RB1CC1: variants seen among roughly 807,000 people sequenced by gnomAD.
RB1CC1 encodes the protein RB1-inducible coiled-coil protein 1.
In RB1CC1, 46 loss-of-function variants were observed where a neutral mutation model predicts 177.5. That is an observed-to-expected ratio of 0.26 (90% CI 0.20 to 0.33). RB1CC1 has a LOEUF of 0.33. Among genes scored for constraint, RB1CC1 ranks in the 10% least tolerant of loss-of-function variants. The pLI is 1.00. For synonymous variants in RB1CC1, 666 were observed against 613.6 expected (o/e 1.09, Z -1.26); for missense variants, 1,703 against 1,816.3 (o/e 0.94, Z 1.13).
At chr8:52,646,088 A>G (rs1849995758) in intron 15 of RB1CC1, among the ~76,000 whole-genome samples, 1 of 152,234 alleles carries the variant, frequency 6.6e-6, no homozygotes, top group South Asian at 2.1e-4. Flanking sequence ...TTTTATCAGT[A>G]TAGCAGATAA....
At chr8:52,688,821 G>A (rs145233640) in intron 1 of RB1CC1, among the ~76,000 whole-genome samples, 5 of 152,050 alleles carry the variant, frequency 3.3e-5, no homozygotes, top group African/African-American at 4.8e-5. Context: ...TGTCGCCCCC[G>A]GCGGCCCAGC....
chr8:52,673,712 T>C (rs1852811060), intron 7 of RB1CC1, 133 bp downstream of exon 7: 3 of 807,944 alleles, frequency 3.7e-6, no homozygotes, highest in Non-Finnish European at 5.5e-6. Flanking sequence ...TCAACCTATG[T>C]TAAAAGTTTC....
intron 1 of RB1CC1, among the ~76,000 whole-genome samples, chr8:52,699,830 A>AAATATATAT (rs1554557119): frequency 3.7e-5 from 1 of 26,702 alleles, no homozygotes; most frequent in Non-Finnish European, 7.6e-5. Flanking sequence ...AAAAAAAAAA[A>AAATATATAT]ATATATATAT....
At chr8:52,645,312 AT>A in intron 16 of RB1CC1, among the ~76,000 whole-genome samples, 1 of 152,304 alleles carries the variant, frequency 6.6e-6, no homozygotes, top group Non-Finnish European at 1.5e-5. Context: ...AAATAAAATC[AT>A]TTTTTAAATT....
chr8:52,645,968 T>C (rs1024392261), intron 15 of RB1CC1, 101 bp from the exon 16 acceptor site: 8 of 1,159,704 alleles, frequency 6.9e-6, no homozygotes, highest in African/African-American at 6.3e-5. Flanking sequence ...AGCTCAATAA[T>C]GTAGCATGAA....
At chr8:52,652,564 C>T (rs1850698737) in intron 15 of RB1CC1, among the ~76,000 whole-genome samples, 4 of 151,390 alleles carry the variant, frequency 2.6e-5, no homozygotes, top group Admixed American at 2.0e-4. Flanking sequence ...TACAGAAATA[C>T]TGACATAATC....
chr8:52,640,336 T>C (rs920723440), intron 18 of RB1CC1, among the ~76,000 whole-genome samples: 1 of 152,158 alleles, frequency 6.6e-6, no homozygotes, highest in Non-Finnish European at 1.5e-5. Flanking sequence ...TGTTCAATAA[T>C]GTACTGCGCT....
Position 52,656,913 on chromosome 8 carries a change from C to T in RB1CC1, c.2916G>A (p.Lys972=). 1 of 1,613,256 alleles carries T rather than the reference C, an allele frequency of 6.2e-7. No individual in the cohort carries two copies. The highest frequency in any genetic ancestry group is 8.5e-7 in the Non-Finnish European group (1 of 1,179,938). Residue 972 remains lysine (K), a synonymous_variant, in exon 15 of 24, where the codon AAG becomes AAA. Coordinates refer to ENST00000025008, the MANE Select transcript of RB1CC1 (RefSeq NM_014781.5). The part of the protein sequence containing the change: ...LKKLHVENDE[K]LQLLRAELQS... Reference sequence around the variant, plus strand: ...GAAGTTCTGCCCTCAATAACTGTAACTTCTCATCATTTTCAACATGGAGCT... The same window carrying T: ...GAAGTTCTGCCCTCAATAACTGTAATTTCTCATCATTTTCAACATGGAGCT...
chr8:52,633,352 C>T (rs1374409746), intron 20 of RB1CC1, among the ~76,000 whole-genome samples: 3 of 152,102 alleles, frequency 2.0e-5, no homozygotes, highest in African/African-American at 4.8e-5. Context: ...AAGAATGTAG[C>T]GGTGACCAAA....
chr8:52,689,197 T>C (rs1854581380), intron 1 of RB1CC1, among the ~76,000 whole-genome samples: 1 of 152,236 alleles, frequency 6.6e-6, no homozygotes, highest in South Asian at 2.1e-4. Flanking sequence ...TAAATCTCCT[T>C]GCTTTAATTT....
chr8:52,625,227 G>A lies in RB1CC1; in HGVS notation c.4637-440C>T, dbSNP rs184916989. ...TTGATGGGCAGTATTTTTAATACAA[G>A]TTCTCAAAGGCAGCAAGTGAACAGT... is the stretch of plus-strand genomic sequence containing the variant. On this transcript the variant is annotated intron_variant, in intron 22 of 23. Coordinates refer to ENST00000025008, the MANE Select transcript of RB1CC1 (RefSeq NM_014781.5). 2.9e-3 allele frequency among the ~76,000 whole-genome samples: 447 copies of A among 152,242 alleles called. 4 individuals are homozygous for A. The highest frequency in any genetic ancestry group is 0.01 in the African/African-American group (422 of 41,554).
chr8:52,658,650 A>G (rs10101732), intron 13 of RB1CC1, among the ~76,000 whole-genome samples: 401 of 152,156 alleles, frequency 2.6e-3, no homozygotes, highest in African/African-American at 9.3e-3. Context: ...AACTACTAGA[A>G]AAAAATAATT....
intron 18 of RB1CC1, among the ~76,000 whole-genome samples, chr8:52,636,730 T>G (rs1256327905): frequency 1.3e-5 from 2 of 152,206 alleles, no homozygotes; most frequent in East Asian, 1.9e-4. Context: ...CTTTTACACT[T>G]AAGTCTATGA....
chr8:52,685,226 T>C (rs953227723), intron 3 of RB1CC1, among the ~76,000 whole-genome samples, 173 bp downstream of exon 3: 1 of 151,976 alleles, frequency 6.6e-6, no homozygotes, highest in African/African-American at 2.4e-5. Context: ...ATGGTCTCGA[T>C]CTTTCTTGAC....
chr8:52,658,740 C>T lies in RB1CC1; in HGVS notation c.1793+133G>A, dbSNP rs887693129. On this transcript the variant is annotated intron_variant, in intron 13 of 23. Transcript: ENST00000025008. The stretch of plus-strand genomic sequence containing the variant: ...CCCCAGAAATTTCTCAAAGCAGTCA[C>T]AGGAAAGCCAGTCTATCTTAAATAT... 20 of 506,402 alleles carry T rather than the reference C, an allele frequency of 3.9e-5. No homozygotes were observed. In the South Asian group the frequency reaches 6.9e-4, roughly 17 times the overall value. The allele number at this position is 506,402 out of a possible 1,614,324, so 31.4% of individuals were successfully genotyped here.
chr8:52,640,437 G>A (rs1849472655), intron 18 of RB1CC1, among the ~76,000 whole-genome samples: 1 of 152,186 alleles, frequency 6.6e-6, no homozygotes, highest in Non-Finnish European at 1.5e-5. Flanking sequence ...TAATTTGAAT[G>A]TACACATGTA....
At position 52,661,107 on chromosome 8, in the gene RB1CC1, T is replaced by C; in HGVS notation, c.1533A>G (p.Lys511=). 1 of 1,613,268 alleles carries C rather than the reference T, an allele frequency of 6.2e-7. No homozygotes were observed. The highest frequency in any genetic ancestry group is 1.3e-5 in the African/African-American group (1 of 74,958). ...TCAACTTGCATACCTCCCTGTAGTG[T>C]TTTATGAACATTTTTCTTCTTACAA... ...VEVVRRKMFI[K]HYREWAGALV... is the part of the protein sequence containing the mutation. Residue 511 remains lysine (K), a synonymous_variant, in exon 10 of 24, where the codon AAA becomes AAG. Coordinates refer to ENST00000025008, the MANE Select transcript of RB1CC1 (RefSeq NM_014781.5).
At chr8:52,701,247 C>T (rs964956108) in intron 1 of RB1CC1, among the ~76,000 whole-genome samples, 14 of 152,160 alleles carry the variant, frequency 9.2e-5, no homozygotes, top group Admixed American at 2.6e-4. Flanking sequence ...TTCAGCCTCC[C>T]GAGCAGCTTT....
In RB1CC1 at chr8:52,663,370, A is replaced by C. The variant is rs151162551; in HGVS notation, c.1174-1651T>G. ...GTGAGTGAGGTTTTTTTTTTTGCCAAAACCATGTAGAAGGGTCTACAACAA... is the reference window on the plus strand; with the variant it reads ...GTGAGTGAGGTTTTTTTTTTTGCCACAACCATGTAGAAGGGTCTACAACAA... On this transcript the variant is annotated intron_variant, in intron 8 of 23. Coordinates refer to ENST00000025008, the MANE Select transcript of RB1CC1 (RefSeq NM_014781.5). Among the ~76,000 whole-genome samples, 828 of 152,022 alleles carry C rather than the reference A, an allele frequency of 5.4e-3. 7 individuals are homozygous for C. The highest frequency in any genetic ancestry group is 0.019 in the African/African-American group (796 of 41,512).
Sources: allele counts gnomAD v4.1 joint callset (sites outside exome capture counted in the v4.1 genomes callset), GRCh38; gene constraint gnomAD v4.1.1; transcripts MANE v1.5; gene names NCBI Gene and HGNC (gene_info 2026-07-23, HGNC 2026-07-21).